Variants in KCNC2 observed in about 807,000 individuals in gnomAD.
KCNC2 encodes voltage-gated potassium channel KCNC2.
KCNC2 carries 21 observed loss-of-function variants against 44.5 expected under a neutral mutation model. The ratio of observed to expected loss-of-function variants is 0.47; its 90% CI spans 0.33 to 0.68. The LOEUF is 0.68. Among genes scored for constraint, KCNC2 ranks in the 30% least tolerant of loss-of-function variants. KCNC2 has a pLI of 0.01. For missense variants in KCNC2, 589 were observed against 826.2 expected, an observed-to-expected ratio of 0.71 and a Z score of 3.52; for synonymous variants, 391 against 339.1, an observed-to-expected ratio of 1.15 and a Z score of -1.68.
intron 2 of KCNC2, among the ~76,000 whole-genome samples, chr12:75,108,289 G>A (rs974859623): frequency 8.5e-5 from 13 of 152,110 alleles, no homozygotes; most frequent in Admixed American, 5.9e-4. Flanking sequence ...TAACTTCTCT[G>A]ATCTTTAGTT....
chr12:75,105,645 A>G (rs531795471), intron 2 of KCNC2, among the ~76,000 whole-genome samples: 11 of 152,156 alleles, frequency 7.2e-5, no homozygotes, highest in Non-Finnish European at 1.5e-4. Flanking sequence ...TAAGGAATCG[A>G]ATGTAAAGAA....
intron 2 of KCNC2, among the ~76,000 whole-genome samples, chr12:75,133,978 T>C (rs1889044353): frequency 6.6e-6 from 1 of 151,922 alleles, no homozygotes; most frequent in Non-Finnish European, 1.5e-5. Flanking sequence ...GGTAGGAGGA[T>C]ATAAGAGCAC....
In KCNC2 at chr12:75,100,359, C is replaced by T. The variant is rs560140509; in HGVS notation, c.688-49042G>A. 2.0e-5 allele frequency among the ~76,000 whole-genome samples: 3 copies of T among 152,080 alleles called. No individual in the cohort carries two copies. In the South Asian group the frequency reaches 6.2e-4, roughly 32 times the overall value. On this transcript the variant is annotated intron_variant, in intron 2 of 4. Transcript: ENST00000549446. ...ATAATACTAAATGGATGTCAGGAGA[C>T]CTAACTCCTTATTATCTCTGTGAAT...
intron 2 of KCNC2, among the ~76,000 whole-genome samples, chr12:75,106,469 G>C (rs901702838): frequency 6.6e-6 from 1 of 152,188 alleles, no homozygotes; most frequent in South Asian, 2.1e-4. Context: ...AACTGCTGGG[G>C]AGGTGTCACT....
At chr12:75,145,161 A>G (rs1204808869) in intron 2 of KCNC2, among the ~76,000 whole-genome samples, 3 of 152,064 alleles carry the variant, frequency 2.0e-5, no homozygotes, top group African/African-American at 7.2e-5. Context: ...CCCGTTCCCA[A>G]GCTGAAAGGG....
intron 2 of KCNC2, among the ~76,000 whole-genome samples, chr12:75,155,049 A>G (rs1890662148): frequency 1.3e-5 from 2 of 150,882 alleles, no homozygotes; most frequent in South Asian, 4.4e-4. Context: ...ATCACCAAAC[A>G]GTTTGGTGCT....
At chr12:75,071,353 C>A (rs1394676224) in intron 2 of KCNC2, among the ~76,000 whole-genome samples, 2 of 152,014 alleles carry the variant, frequency 1.3e-5, no homozygotes, top group South Asian at 2.1e-4. Flanking sequence ...ACCAGCTTCA[C>A]GAATAAAGGG....
chr12:75,055,939 A>C (rs1221686127), intron 2 of KCNC2, among the ~76,000 whole-genome samples: 1 of 152,080 alleles, frequency 6.6e-6, no homozygotes, highest in Non-Finnish European at 1.5e-5. Flanking sequence ...AGTGAAATTG[A>C]GCTCTATAAC....
In KCNC2 at chr12:75,041,907, C is replaced by T; in HGVS notation, c.*1198G>A. 2.0e-6 allele frequency: 2 copies of T among 993,858 alleles called. No individual in the cohort carries two copies. The highest frequency in any genetic ancestry group is 9.2e-5 in the South Asian group (2 of 21,702). 61.6% of individuals were successfully genotyped at this position (993,858 alleles called of 1,614,324 possible). ...AAATATTAAAATCATAAACATCTTA[C>T]AGAGGCATTTCTGTGCTTCATGGAG... On this transcript the variant is annotated 3_prime_UTR_variant, in exon 5 of 5. Coordinates refer to ENST00000549446, the MANE Select transcript of KCNC2 (RefSeq NM_139137.4).
intron 3 of KCNC2, among the ~76,000 whole-genome samples, chr12:75,049,132 G>A (rs1880887419): frequency 6.6e-6 from 1 of 152,092 alleles, no homozygotes; most frequent in Non-Finnish European, 1.5e-5. Flanking sequence ...TATATTAGAA[G>A]AATTTGCATA....
chr12:75,206,207 C>A (rs1196474734), intron 2 of KCNC2, among the ~76,000 whole-genome samples: 2 of 152,176 alleles, frequency 1.3e-5, no homozygotes, highest in East Asian at 3.8e-4. Flanking sequence ...GGAGAATTCC[C>A]ATTCTGCCCA....
At chr12:75,118,169 C>T (rs922701461) in intron 2 of KCNC2, among the ~76,000 whole-genome samples, 5 of 152,012 alleles carry the variant, frequency 3.3e-5, no homozygotes, top group Admixed American at 6.6e-5. Flanking sequence ...AATCAAGAAG[C>T]CAAGTCTCAG....
chr12:75,103,088 C>T (rs1592874309), intron 2 of KCNC2, among the ~76,000 whole-genome samples: 1 of 152,158 alleles, frequency 6.6e-6, no homozygotes, highest in Non-Finnish European at 1.5e-5. Flanking sequence ...CCAGTTTTCT[C>T]TAAGAAGGTG....
rs376223053 is a variant in KCNC2, at chr12:75,186,551, A to C, written c.687+20746T>G. ...TTATTATTATAAAATGTTCACTACT[A>C]TGAAACAATTATTCAAGGGACACTT... On this transcript the variant is annotated intron_variant, in intron 2 of 4. Transcript: ENST00000549446. 1.2e-4 allele frequency among the ~76,000 whole-genome samples: 18 copies of C among 152,230 alleles called. 1 individual carries two copies. The highest frequency in any genetic ancestry group is 9.6e-4 in the East Asian group (5 of 5,198).
At chr12:75,062,126 G>T (rs1462558402) in intron 2 of KCNC2, among the ~76,000 whole-genome samples, 1 of 151,998 alleles carries the variant, frequency 6.6e-6, no homozygotes, top group Non-Finnish European at 1.5e-5. Context: ...ATATTACATA[G>T]TAGATTCTAT....
chr12:75,207,225 A>C lies in KCNC2; in HGVS notation c.687+72T>G, dbSNP rs2031758527. 2 of 1,495,236 alleles carry C rather than the reference A, an allele frequency of 1.3e-6. No individual in the cohort carries two copies. The highest frequency in any genetic ancestry group is 2.6e-5 in the South Asian group (2 of 76,492). 92.6% of individuals were successfully genotyped at this position (1,495,236 alleles called of 1,614,324 possible). ...CCCCATGCCTGAGGCCCTGGGGTGG[A>C]AAAGAACAGAAAGTTGGGGAGGGAG... is the stretch of plus-strand genomic sequence containing the variant. On this transcript the variant is annotated intron_variant, in intron 2 of 4. Coordinates refer to ENST00000549446, the MANE Select transcript of KCNC2 (RefSeq NM_139137.4). The surrounding 1 kb of genome is among the most constrained non-coding windows in gnomAD (Gnocchi z 4.1).
chr12:75,165,196 T>C (rs1179629727), intron 2 of KCNC2, among the ~76,000 whole-genome samples: 2 of 151,632 alleles, frequency 1.3e-5, no homozygotes, highest in Non-Finnish European at 3.0e-5. Context: ...TTTAATGCTC[T>C]TTTGTGTATT....
rs558315371 is a variant in KCNC2, at chr12:75,040,610, C to T, written c.*2495G>A. 6.5e-6 allele frequency: 1 copy of T among 153,936 alleles called. No homozygotes were observed. The highest frequency in any genetic ancestry group is 6.4e-5 in the Admixed American group (1 of 15,562). The allele number at this position is 153,936 out of a possible 1,614,324, so 9.5% of individuals were successfully genotyped here. A position where few individuals can be genotyped will look rare whatever the true frequency, so the allele number is the denominator to read the frequency against. ...TTTAAGCTATAACAATTTCCCAGAACTAAACAAATATGTGACTAAACATAG... is the reference window on the plus strand; with the variant it reads ...TTTAAGCTATAACAATTTCCCAGAATTAAACAAATATGTGACTAAACATAG... On this transcript the variant is annotated 3_prime_UTR_variant, in exon 5 of 5. Transcript: ENST00000549446.
In KCNC2 at chr12:75,051,171, C is replaced by T. The variant is rs1033220922; in HGVS notation, c.834G>A (p.Thr278=). 4.3e-6 allele frequency: 7 copies of T among 1,613,602 alleles called. No homozygotes were observed. In the East Asian group the frequency reaches 8.9e-5, roughly 21 times the overall value. ...TSVVLQYEIE[T]DPALTYVEGV... is the part of the protein sequence containing the mutation. The stretch of plus-strand genomic sequence containing the variant: ...CTTCTACATACGTCAAGGCAGGATC[C>T]GTTTCAATTTCATACTGTAGAACAA... Residue 278 remains threonine, a synonymous_variant, in exon 3 of 5, where the codon ACG becomes ACA. Transcript: ENST00000549446.
Sources: gnomAD v4.1 joint callset for allele counts (sites outside exome capture counted in the v4.1 genomes callset) on GRCh38, gnomAD v4.1.1 for gene constraint, Gnocchi (gnomAD v3.1) non-coding constraint, MANE v1.5 for transcripts, NCBI Gene and HGNC (gene_info 2026-07-23, HGNC 2026-07-21) for gene names.